The following SYTL5 variants were observed in gnomAD, a reference collection of about 807,000 sequenced individuals.
SYTL5 encodes the protein synaptotagmin-like protein 5.
SYTL5 carries 34 observed loss-of-function variants against 55.9 expected under a neutral mutation model. The observed-to-expected ratio is 0.61, with a 90% confidence interval of 0.46 to 0.81. The LOEUF is 0.81. SYTL5 is among the 30% of genes least tolerant of loss of function. The pLI is 0.00. For missense variants in SYTL5, 637 were observed against 546.7 expected, an observed-to-expected ratio of 1.17 and a Z score of -1.65; for synonymous variants, 221 against 188.7, an observed-to-expected ratio of 1.17 and a Z score of -1.40.
intron 1 of SYTL5, among the ~76,000 whole-genome samples, chrX:38,032,730 G>C (rs901168997): frequency 1.5e-4 from 16 of 110,300 alleles, no homozygotes; most frequent in Non-Finnish European, 3.8e-5. Context: ...CTTCCGTAAC[G>C]TAATTTTTTT....
the SYTL5 span, among the ~76,000 whole-genome samples, chrX:37,969,206 C>G: frequency 8.0e-5 from 9 of 111,996 alleles, no homozygotes; most frequent in South Asian, 3.3e-3. Context: ...TTTTATGCTT[C>G]TCCTATTTTA....
At chrX:37,922,557 G>A in the SYTL5 span, among the ~76,000 whole-genome samples, 3 of 112,005 alleles carry the variant, frequency 2.7e-5, no homozygotes, top group African/African-American at 9.7e-5. Context: ...ACTACTCAAT[G>A]AATTTTCCAT....
intron 7 of SYTL5, 110 bp downstream of exon 7, chrX:38,089,697 T>C (rs925924140): frequency 2.3e-6 from 2 of 871,432 alleles, no homozygotes; most frequent in South Asian, 5.5e-5. Flanking sequence ...TGACTCACAG[T>C]TCTGCATGGC....
At chrX:37,940,969 T>C in the SYTL5 span, among the ~76,000 whole-genome samples, 3 of 111,060 alleles carry the variant, frequency 2.7e-5, no homozygotes. Context: ...TAGGGCTTAC[T>C]GTAGAGGGAT....
chrX:38,088,628 ACATGAAAGTGATTCAAG>A (rs1300776767), intron 6 of SYTL5, among the ~76,000 whole-genome samples: 1 of 112,690 alleles, frequency 8.9e-6, no homozygotes, highest in Non-Finnish European at 1.9e-5. Flanking sequence ...GTTTTAGCAC[ACATGAAAGTGATTCAAG>A]CACATTTACC....
At chrX:38,102,736 C>T (rs149396186) in intron 10 of SYTL5, among the ~76,000 whole-genome samples, 30 of 111,587 alleles carry the variant, frequency 2.7e-4, no homozygotes, top group African/African-American at 9.1e-4. Context: ...TATCTGCTGA[C>T]ACATTTCCCT....
intron 10 of SYTL5, among the ~76,000 whole-genome samples, chrX:38,105,372 A>G (rs1602401119): frequency 1.8e-5 from 2 of 112,987 alleles, no homozygotes; most frequent in South Asian, 3.7e-4. Context: ...TTTGTTTTAT[A>G]CATTTTAGGG....
intron 7 of SYTL5, among the ~76,000 whole-genome samples, chrX:38,094,076 C>T (rs1569184059): frequency 9.0e-6 from 1 of 111,306 alleles, no homozygotes. Flanking sequence ...ACCTTTTGCA[C>T]TAATTAACAA....
At chrX:38,048,603 G>A (rs73632446) in intron 2 of SYTL5, among the ~76,000 whole-genome samples, 4,683 of 110,080 alleles carry the variant, frequency 0.043, 85 homozygotes, top group Middle Eastern at 0.061. Flanking sequence ...ATGGCGGAAG[G>A]TGAAAGGCAC....
chrX:38,064,588 T>C (rs1936049113), intron 3 of SYTL5, among the ~76,000 whole-genome samples: 1 of 111,220 alleles, frequency 9.0e-6, no homozygotes, highest in East Asian at 2.8e-4. Context: ...CATCTCTAAA[T>C]ATGTTTTTGC....
rs185153653 is a variant in SYTL5 at position 38,106,577 on chromosome X, A to G, written c.1156-16A>G. On this transcript the variant is annotated splice_polypyrimidine_tract_variant and intron_variant, in intron 10 of 16. Transcript: ENST00000297875. ...AGAATGACACTAGAAGCCTTTTTCC[A>G]TCTTGTTTATTCCAGACCAGCCTTA... The G allele has an allele frequency of 4.1e-5, 47 of 1,155,291 alleles. 1 individual carries two copies. In the Middle Eastern group the frequency reaches 2.2e-3, roughly 54 times the overall value.
At chrX:37,949,123 G>T in the SYTL5 span, 6 of 111,642 alleles carry the variant, frequency 5.4e-5, no homozygotes, top group Non-Finnish European at 1.1e-4. Context: ...CCCTGCCAAT[G>T]AGATATAAGG....
the SYTL5 span, among the ~76,000 whole-genome samples, chrX:37,907,056 G>A: frequency 1.8e-5 from 2 of 112,036 alleles, no homozygotes; most frequent in Non-Finnish European, 3.8e-5. Flanking sequence ...TGCTTAAAAG[G>A]AGCAGAGGAG....
the SYTL5 span, among the ~76,000 whole-genome samples, chrX:37,947,350 G>A: frequency 9.0e-6 from 1 of 111,437 alleles, no homozygotes; most frequent in Non-Finnish European, 1.9e-5. Context: ...GGATCATGGC[G>A]GAAGTTTCCC....
the SYTL5 span, among the ~76,000 whole-genome samples, chrX:37,893,267 A>G: frequency 6.9e-5 from 5 of 72,310 alleles, no homozygotes; most frequent in East Asian, 1.7e-3. Context: ...ACATACCACA[A>G]TCTATATATG....
At chrX:37,890,248 C>A in the SYTL5 span, among the ~76,000 whole-genome samples, 22 of 111,246 alleles carry the variant, frequency 2.0e-4, no homozygotes, top group Non-Finnish European at 4.2e-4. Context: ...TACCAGGAGA[C>A]AAGATAAAGG....
intron 2 of SYTL5, among the ~76,000 whole-genome samples, chrX:38,045,373 G>A (rs1404326685): frequency 1.8e-5 from 2 of 112,313 alleles, no homozygotes; most frequent in East Asian, 5.6e-4. Context: ...GTTCTTCCTC[G>A]TATTTCTGTG....
chrX:37,899,252 A>G, the SYTL5 span, among the ~76,000 whole-genome samples: 3 of 110,830 alleles, frequency 2.7e-5, no homozygotes, highest in African/African-American at 9.9e-5. Flanking sequence ...CCCAGGGTAC[A>G]GTGCAGTGGC....
intron 3 of SYTL5, among the ~76,000 whole-genome samples, chrX:38,068,461 A>C (rs917840399): frequency 8.9e-6 from 1 of 112,316 alleles, no homozygotes; most frequent in African/African-American, 3.2e-5. Flanking sequence ...GTCATTGTAC[A>C]AAAGCACATA....
Sources: gnomAD v4.1 joint callset for allele counts (sites outside exome capture counted in the v4.1 genomes callset) on GRCh38, gnomAD v4.1.1 for gene constraint, MANE v1.5 for transcripts, NCBI Gene and HGNC (gene_info 2026-07-23, HGNC 2026-07-21) for gene names.